Variants in DPP10 observed in about 807,000 individuals in gnomAD.
DPP10 encodes dipeptidyl peptidase like 10.
DPP10 carries 33 observed loss-of-function variants against 120.9 expected under a neutral mutation model. That is an observed-to-expected ratio of 0.27 (90% CI 0.21 to 0.37). The LOEUF (loss-of-function observed/expected upper bound fraction) is 0.37. Among genes scored for constraint, DPP10 ranks in the 10% least tolerant of loss-of-function variants. DPP10 has a pLI of 1.00. For synonymous variants in DPP10, 337 were observed against 326.1 expected, an observed-to-expected ratio of 1.03 and a Z score of -0.36; for missense variants, 816 against 942.8, an observed-to-expected ratio of 0.87 and a Z score of 1.76.
At chr2:114,911,111 G>C (rs1204732729) in intron 1 of DPP10, among the ~76,000 whole-genome samples, 2 of 152,118 alleles carry the variant, frequency 1.3e-5, no homozygotes, top group Non-Finnish European at 2.9e-5. Context: ...CATGGTATAT[G>C]TGAAATCAAT....
chr2:115,335,434 A>T (rs2063066001), intron 2 of DPP10, among the ~76,000 whole-genome samples: 1 of 152,036 alleles, frequency 6.6e-6, no homozygotes, highest in South Asian at 2.1e-4. Flanking sequence ...ACATTAAGAA[A>T]CAAGCTTGTG....
chr2:115,797,587 A>G (rs1684683493), intron 19 of DPP10, among the ~76,000 whole-genome samples: 2 of 151,976 alleles, frequency 1.3e-5, no homozygotes, highest in South Asian at 2.1e-4. Context: ...TCATTTTTGT[A>G]TCTTTGTCAT....
intron 5 of DPP10, among the ~76,000 whole-genome samples, chr2:115,531,490 A>G (rs907392475): frequency 6.6e-6 from 1 of 151,972 alleles, no homozygotes; most frequent in African/African-American, 2.4e-5. Context: ...TTTCACAATT[A>G]TTTCTTCCTG....
chr2:115,189,357 C>T (rs757767803), intron 1 of DPP10, among the ~76,000 whole-genome samples: 25 of 152,050 alleles, frequency 1.6e-4, no homozygotes, highest in Non-Finnish European at 2.5e-4. Flanking sequence ...CAGGATGAGC[C>T]GGGACAGAGC....
chr2:114,655,772 ATTATT>A (rs1351923503), intron 1 of DPP10, among the ~76,000 whole-genome samples: 3 of 152,110 alleles, frequency 2.0e-5, no homozygotes, highest in East Asian at 3.9e-4. Context: ...ATATAATCTA[ATTATT>A]TTTTCCATTA....
At chr2:114,880,299 AT>A (rs1383762361) in intron 1 of DPP10, among the ~76,000 whole-genome samples, 1 of 152,180 alleles carries the variant, frequency 6.6e-6, no homozygotes, top group Non-Finnish European at 1.5e-5. Context: ...TCATTAACAA[AT>A]TTGGCAACGC....
At chr2:115,650,796 A>C (rs570765819) in intron 5 of DPP10, among the ~76,000 whole-genome samples, 1 of 152,086 alleles carries the variant, frequency 6.6e-6, no homozygotes, top group South Asian at 2.1e-4. Flanking sequence ...GCATTGAAGG[A>C]GAAAGAGGAG....
chr2:115,114,763 T>C (rs1401316256), intron 1 of DPP10, among the ~76,000 whole-genome samples: 1 of 152,098 alleles, frequency 6.6e-6, no homozygotes, highest in African/African-American at 2.4e-5. Flanking sequence ...TAGTAAGAAA[T>C]ACTAGAATTA....
At chr2:114,747,863 C>T (rs963769771) in intron 1 of DPP10, among the ~76,000 whole-genome samples, 2 of 152,152 alleles carry the variant, frequency 1.3e-5, no homozygotes, top group Non-Finnish European at 2.9e-5. Context: ...ACTAGATCAT[C>T]TCATTTAGTT....
At chr2:115,824,569 G>A (rs1339355974) in intron 21 of DPP10, among the ~76,000 whole-genome samples, 1 of 152,108 alleles carries the variant, frequency 6.6e-6, no homozygotes, top group African/African-American at 2.4e-5. Flanking sequence ...AGAACATGCA[G>A]TGTTTGGTTT....
At chr2:114,824,262 C>T (rs1341042905) in intron 1 of DPP10, among the ~76,000 whole-genome samples, 1 of 152,130 alleles carries the variant, frequency 6.6e-6, no homozygotes, top group Non-Finnish European at 1.5e-5. Flanking sequence ...TGTAGAGATG[C>T]TAATTCTACA....
intron 1 of DPP10, among the ~76,000 whole-genome samples, chr2:114,619,735 C>T (rs1693953126): frequency 6.6e-6 from 1 of 151,946 alleles, no homozygotes; most frequent in African/African-American, 2.4e-5. Context: ...ATATATGATT[C>T]TCTTAAACTC....
At chr2:115,028,832 A>G (rs1703648507) in intron 1 of DPP10, among the ~76,000 whole-genome samples, 1 of 152,044 alleles carries the variant, frequency 6.6e-6, no homozygotes, top group Non-Finnish European at 1.5e-5. Flanking sequence ...CTCTTTTTAC[A>G]GCATTTTACT....
chr2:115,075,057 G>A (rs892720471), intron 1 of DPP10, among the ~76,000 whole-genome samples: 4 of 152,192 alleles, frequency 2.6e-5, no homozygotes, highest in Admixed American at 6.5e-5. Context: ...GCAGTTATAC[G>A]TGGGTCATGG....
chr2:114,727,899 C>G (rs1676496484), intron 1 of DPP10, among the ~76,000 whole-genome samples: 1 of 152,148 alleles, frequency 6.6e-6, no homozygotes, highest in Non-Finnish European at 1.5e-5. Context: ...CAGCACATCA[C>G]TTAAAAACCC....
chr2:115,783,838 G>T (rs1407679241), intron 17 of DPP10, among the ~76,000 whole-genome samples: 2 of 152,092 alleles, frequency 1.3e-5, no homozygotes, highest in African/African-American at 4.8e-5. Context: ...ATCCAAGACA[G>T]TGCGTTAACA....
intron 1 of DPP10, among the ~76,000 whole-genome samples, chr2:114,516,997 A>T (rs1684645544): frequency 6.6e-6 from 1 of 152,204 alleles, no homozygotes; most frequent in Non-Finnish European, 1.5e-5. Flanking sequence ...TAATACAATT[A>T]GTTTTCCATC....
Position 115,339,171 on chromosome 2 carries a change from C to G in DPP10, c.176-4646C>G, listed in dbSNP as rs994365728. On this transcript the variant is annotated intron_variant, in intron 2 of 25. Transcript: ENST00000410059. Reference sequence around the variant, plus strand: ...GCGAATGACATGAACAGATATTTCACTGAAGACTATATGGGAATCATAAAT... The same window carrying G: ...GCGAATGACATGAACAGATATTTCAGTGAAGACTATATGGGAATCATAAAT... Among the ~76,000 whole-genome samples the G allele has an allele frequency of 4.6e-5, 7 of 152,268 alleles. No individual in the cohort carries two copies. The East Asian group carries it at 1.4e-3, about 29-fold the overall frequency.
intron 3 of DPP10, among the ~76,000 whole-genome samples, chr2:115,372,037 G>A (rs969630298): frequency 6.6e-6 from 1 of 152,072 alleles, no homozygotes; most frequent in Admixed American, 6.6e-5. Context: ...GGTTTTCTAT[G>A]TAATGTAACA....
Sources: gnomAD v4.1 joint callset for allele counts (sites outside exome capture counted in the v4.1 genomes callset) on GRCh38, gnomAD v4.1.1 for gene constraint, MANE v1.5 for transcripts, NCBI Gene and HGNC (gene_info 2026-07-23, HGNC 2026-07-21) for gene names.